Variants in PCNT observed in about 807,000 individuals in gnomAD.
PCNT encodes the protein pericentrin, also known as kendrin.
PCNT carries 319 observed loss-of-function variants against 380.4 expected under a neutral mutation model. The ratio of observed to expected loss-of-function variants is 0.84; its 90% confidence interval spans 0.77 to 0.92. The LOEUF (loss-of-function observed/expected upper bound fraction) is 0.92. Ranked by LOEUF, PCNT falls within the 40% of genes least tolerant of loss-of-function variation. The pLI is 0.00. For missense variants in PCNT, 4,400 were observed against 4,255.3 expected (o/e 1.03, Z -0.95); for synonymous variants, 1,845 against 1,735.2 (o/e 1.06, Z -1.57).
intron 35 of PCNT, 63 bp from the exon 36 acceptor site, chr21:46,429,947 G>C: frequency 1.5e-6 from 2 of 1,338,564 alleles, no homozygotes; most frequent in Non-Finnish European, 2.1e-6. Flanking sequence ...TCTCTAACCT[G>C]GTGTCACTTG....
Position 46,355,606 on chromosome 21 carries a change from C to T in PCNT, c.1916C>T (p.Pro639Leu). ...SALGHEWRLE[P>L]SEGHSQELPW... ...TTGGGACACGAGTGGCGTCTGGAAC[C>T]CTCTGAAGGGCACAGCCAAGGTGGG... Residue 639 changes from proline (P) to leucine (L), a missense_variant, in exon 12 of 47, where the codon CCC becomes CTC. By Grantham distance (98) the Pro-to-Leu change is moderately conservative. Transcript: ENST00000359568. 1 of 1,613,918 alleles carries T rather than the reference C, an allele frequency of 6.2e-7. No individual in the cohort carries two copies. Among genetic ancestry groups the T allele is most frequent in the Non-Finnish European group, 8.5e-7 (1 of 1,179,974 alleles).
At chr21:46,370,884 A>C (rs1466723050) in intron 15 of PCNT, among the ~76,000 whole-genome samples, 1 of 152,104 alleles carries the variant, frequency 6.6e-6, no homozygotes, top group Non-Finnish European at 1.5e-5. Flanking sequence ...AAATACAAAA[A>C]ATTAGACAGG....
At position 46,334,458 on chromosome 21, in the gene PCNT, A is replaced by G. The variant is rs59512152; in HGVS notation, c.329A>G (p.Asn110Ser). 1.9e-6 allele frequency: 3 copies of G among 1,614,236 alleles called. No homozygotes were observed. Among genetic ancestry groups the G allele is most frequent in the Admixed American group, 1.7e-5 (1 of 60,034 alleles). ...GAACAGCTGCAGCAGAAGCAAGTCA[A>G]TGACCATCCTCCAGAGCAGTGTGGG... ...DLEQLQQKQV[N>S]DHPPEQCGMF... Residue 110 changes from asparagine (N) to serine (S), a missense_variant, in exon 3 of 47, where the codon AAT becomes AGT. Asn to Ser is a conservative substitution (Grantham distance 46). Coordinates refer to ENST00000359568, the MANE Select transcript of PCNT (RefSeq NM_006031.6).
At chr21:46,330,572 T>C (rs1027097590) in intron 2 of PCNT, among the ~76,000 whole-genome samples, 1 of 152,266 alleles carries the variant, frequency 6.6e-6, no homozygotes, top group Non-Finnish European at 1.5e-5. Flanking sequence ...TAGAAGCAGA[T>C]ATTTCATTAA....
intron 37 of PCNT, 150 bp downstream of exon 37, chr21:46,430,807 C>G (rs1415625476): frequency 1.3e-6 from 2 of 1,510,360 alleles, no homozygotes; most frequent in Non-Finnish European, 1.8e-6. Flanking sequence ...GCTGTGTTTG[C>G]AGGTAAAATT....
At chr21:46,397,545 C>A in intron 22 of PCNT, 51 bp downstream of exon 22, 1 of 1,440,882 alleles carries the variant, frequency 6.9e-7, no homozygotes, top group Non-Finnish European at 9.7e-7. Flanking sequence ...GTTGCCGTTA[C>A]AGCATGAACT....
chr21:46,439,518 T>A (rs1023901258), intron 41 of PCNT, among the ~76,000 whole-genome samples: 6 of 152,176 alleles, frequency 3.9e-5, no homozygotes, highest in African/African-American at 1.4e-4. Flanking sequence ...TCTTAAGTCA[T>A]CTCTAAGATC....
In PCNT at chr21:46,391,168, C is replaced by G. The variant is rs753886712; in HGVS notation, c.4008C>G (p.Thr1336=). 3.8e-6 allele frequency: 6 copies of G among 1,594,476 alleles called. No homozygotes were observed. The African/African-American group carries it at 4.0e-5, about 11-fold the overall frequency. ...LALELHKTQG[T]LEGFKVETAD... ...GCATCTGTGTCTCCCACAAAGGTAC[C>G]CTTGAGGGATTCAAGGTGGAGACAG... The change falls in exon 21 of 47, where the codon ACC becomes ACG. Residue 1336 remains threonine, a synonymous_variant. Coordinates refer to ENST00000359568, the MANE Select transcript of PCNT (RefSeq NM_006031.6).
chr21:46,377,215 TGG>T (rs1246647857), intron 15 of PCNT, among the ~76,000 whole-genome samples: 2 of 152,178 alleles, frequency 1.3e-5, no homozygotes, highest in African/African-American at 2.4e-5. Context: ...CTGAAGCTGG[TGG>T]AGCCCCAGCC....
intron 33 of PCNT, among the ~76,000 whole-genome samples, chr21:46,426,903 G>T (rs2087531649): frequency 1.3e-5 from 2 of 152,178 alleles, no homozygotes; most frequent in African/African-American, 4.8e-5. Flanking sequence ...TTCTCCCTGT[G>T]CCTGGAACGC....
intron 16 of PCNT, among the ~76,000 whole-genome samples, chr21:46,383,478 GT>G (rs2085673037): frequency 1.4e-5 from 2 of 144,208 alleles, no homozygotes; most frequent in Non-Finnish European, 3.0e-5. Flanking sequence ...CATTCACAGT[GT>G]TGTATATTCA....
intron 6 of PCNT, among the ~76,000 whole-genome samples, chr21:46,348,580 C>G: frequency 6.6e-6 from 1 of 152,118 alleles, no homozygotes. Context: ...GGGTGTAAGG[C>G]CTGTCAGGAC....
At chr21:46,326,356 C>T (rs747199299) in intron 1 of PCNT, 21 bp from the exon 2 acceptor site, 5 of 1,612,248 alleles carry the variant, frequency 3.1e-6, no homozygotes, top group South Asian at 2.2e-5. Flanking sequence ...GCCTTTACTA[C>T]TTATCTACAT....
In PCNT at chr21:46,445,748, A is replaced by G. The variant is rs886057198; in HGVS notation, c.*421A>G. The G allele has an allele frequency of 5.8e-5, 10 of 172,142 alleles. No individual in the cohort carries two copies. The highest frequency in any genetic ancestry group is 2.4e-4 in the African/African-American group (10 of 41,872). 10.7% of individuals were successfully genotyped at this position (172,142 alleles called of 1,614,324 possible). A position where few individuals can be genotyped will look rare whatever the true frequency, so the allele number is the denominator to read the frequency against. On this transcript the variant is annotated 3_prime_UTR_variant, in exon 47 of 47. Coordinates refer to ENST00000359568, the MANE Select transcript of PCNT (RefSeq NM_006031.6). ...ACAACTCAAAAAGGAATAAAATTTA[A>G]TCACTGTTTTGTTTGTGAATAGCCC...
intron 3 of PCNT, 135 bp from the exon 4 acceptor site, chr21:46,345,993 T>C: frequency 6.1e-6 from 5 of 815,840 alleles, no homozygotes; most frequent in Non-Finnish European, 1.1e-5. Context: ...TCCCACCTTC[T>C]GGCCGTTGCG....
chr21:46,423,106 C>G (rs76809333), intron 32 of PCNT, among the ~76,000 whole-genome samples: 19,584 of 151,658 alleles, frequency 0.13, 3,547 homozygotes, highest in African/African-American at 0.41. Flanking sequence ...AGTTAAACCT[C>G]TTTTTTTCAT....
chr21:46,428,004 T>C (rs1048301221), intron 34 of PCNT, among the ~76,000 whole-genome samples: 1 of 152,192 alleles, frequency 6.6e-6, no homozygotes, highest in African/African-American at 2.4e-5. Flanking sequence ...ACAGGTGTGC[T>C]CGAGATGCAC....
At chr21:46,325,873 T>A (rs2083377997) in intron 1 of PCNT, among the ~76,000 whole-genome samples, 2 of 152,174 alleles carry the variant, frequency 1.3e-5, no homozygotes, top group Non-Finnish European at 2.9e-5. Context: ...GAACATCTGA[T>A]TCCATAAAGG....
rs1308348742 is a variant in PCNT, at chr21:46,401,726, G to A, written c.4962+5G>A. 5 of 1,614,038 alleles carry A rather than the reference G, an allele frequency of 3.1e-6. No homozygotes were observed. Among genetic ancestry groups the A allele is most frequent in the Non-Finnish European group, 4.2e-6 (5 of 1,179,970 alleles). On this transcript the variant is annotated splice_donor_5th_base_variant and intron_variant, in intron 26 of 46. Coordinates refer to ENST00000359568, the MANE Select transcript of PCNT (RefSeq NM_006031.6). Reference sequence around the variant, plus strand: ...CTCCTGCGGCGCGAGAGCGAGGTGAGTGCAGAGTGGGGCCATGGGACTGCC... The same window carrying A: ...CTCCTGCGGCGCGAGAGCGAGGTGAATGCAGAGTGGGGCCATGGGACTGCC...
Sources: gnomAD v4.1 joint callset for allele counts (sites outside exome capture counted in the v4.1 genomes callset) on GRCh38, gnomAD v4.1.1 for gene constraint, MANE v1.5 for transcripts, NCBI Gene and HGNC (gene_info 2026-07-23, HGNC 2026-07-21) for gene names.